SOX6: variants seen among roughly 807,000 people sequenced by gnomAD.
The protein encoded by SOX6 is transcription factor SOX-6.
SOX6 carries 11 observed loss-of-function variants against 97.8 expected under a neutral mutation model. The observed-to-expected ratio is 0.11, with a 90% CI of 0.07 to 0.19. The LOEUF is 0.19. Among genes scored for constraint, SOX6 ranks in the 10% least tolerant of loss-of-function variants. The pLI, the probability that SOX6 is intolerant of heterozygous loss-of-function variation, is 1.00. For synonymous variants in SOX6, 360 were observed against 371.4 expected, an observed-to-expected ratio of 0.97 and a Z score of 0.35; for missense variants, 810 against 1,039.5, an observed-to-expected ratio of 0.78 and a Z score of 3.04.
chr11:16,524,726 G>A (rs910062464), intron 4 of SOX6, among the ~76,000 whole-genome samples: 1 of 151,978 alleles, frequency 6.6e-6, no homozygotes, highest in Admixed American at 6.6e-5. Context: ...TGTATATCTA[G>A]AAAACCCCAT....
intron 4 of SOX6, among the ~76,000 whole-genome samples, chr11:16,599,259 C>T (rs770833305): frequency 2.2e-4 from 33 of 152,018 alleles, no homozygotes; most frequent in Non-Finnish European, 3.4e-4. Context: ...AATTCCTCGC[C>T]ACACACACCA....
intron 3 of SOX6, among the ~76,000 whole-genome samples, chr11:16,280,553 C>G (rs1854526308): frequency 6.6e-6 from 1 of 151,952 alleles, no homozygotes; most frequent in Non-Finnish European, 1.5e-5. Flanking sequence ...CATAAGCTTC[C>G]GTGTGTTATT....
At chr11:16,573,724 A>G (rs1177937770) in intron 4 of SOX6, among the ~76,000 whole-genome samples, 2 of 152,196 alleles carry the variant, frequency 1.3e-5, no homozygotes, top group African/African-American at 2.4e-5. Context: ...AAATATGACA[A>G]TTTCCAGACT....
At chr11:16,662,496 T>A (rs1017282880) in intron 3 of SOX6, among the ~76,000 whole-genome samples, 4 of 152,166 alleles carry the variant, frequency 2.6e-5, no homozygotes, top group African/African-American at 9.7e-5. Flanking sequence ...CAAATATCCT[T>A]AACAAAACAT....
chr11:16,142,402 A>G (rs1383959413), intron 6 of SOX6, among the ~76,000 whole-genome samples: 1 of 152,200 alleles, frequency 6.6e-6, no homozygotes, highest in Non-Finnish European at 1.5e-5. Context: ...AAGATGGGGG[A>G]AAAACAGAGC....
At chr11:16,322,352 C>G (rs1855954649) in intron 2 of SOX6, among the ~76,000 whole-genome samples, 1 of 151,894 alleles carries the variant, frequency 6.6e-6, no homozygotes, top group Admixed American at 6.6e-5. Context: ...CTCTCTTCCT[C>G]CTGCTCCAGC....
intron 1 of SOX6, among the ~76,000 whole-genome samples, chr11:16,386,298 T>C (rs1029572314): frequency 6.6e-6 from 1 of 151,026 alleles, no homozygotes; most frequent in Non-Finnish European, 1.5e-5. Context: ...CTTTCCTGAT[T>C]CTAAGTTGAG....
intron 4 of SOX6, among the ~76,000 whole-genome samples, chr11:16,231,800 C>CA (rs1427236490): frequency 1.3e-5 from 2 of 151,518 alleles, no homozygotes; most frequent in Admixed American, 6.6e-5. Flanking sequence ...TTTCTGCCAA[C>CA]AAAAATAATA....
chr11:16,055,005 A>C (rs1847778347), intron 10 of SOX6, among the ~76,000 whole-genome samples: 1 of 152,160 alleles, frequency 6.6e-6, no homozygotes, highest in Non-Finnish European at 1.5e-5. Flanking sequence ...CCCAGACATA[A>C]CTTGGGAAAG....
intron 9 of SOX6, among the ~76,000 whole-genome samples, chr11:16,069,746 C>T (rs1252328542): frequency 6.6e-6 from 1 of 152,126 alleles, no homozygotes; most frequent in African/African-American, 2.4e-5. Context: ...CTGCCAATTG[C>T]CTTTTCACAA....
At chr11:16,197,732 C>T (rs1001947724) in intron 4 of SOX6, among the ~76,000 whole-genome samples, 6 of 152,024 alleles carry the variant, frequency 3.9e-5, no homozygotes, top group African/African-American at 1.2e-4. Context: ...TCCTATGTAG[C>T]ATTCACAATA....
intron 4 of SOX6, among the ~76,000 whole-genome samples, chr11:16,519,529 A>G (rs1470002013): frequency 6.6e-6 from 1 of 152,040 alleles, no homozygotes; most frequent in Non-Finnish European, 1.5e-5. Context: ...ACATGATTTC[A>G]TTCTTTTTTA....
At chr11:16,009,784 C>A (rs1854656114) in intron 13 of SOX6, among the ~76,000 whole-genome samples, 1 of 151,988 alleles carries the variant, frequency 6.6e-6, no homozygotes, top group African/African-American at 2.4e-5. Context: ...AACTAATGAT[C>A]TTTACATTCC....
intron 6 of SOX6, among the ~76,000 whole-genome samples, chr11:16,133,042 C>A (rs768180507): frequency 1.3e-5 from 2 of 151,742 alleles, no homozygotes; most frequent in African/African-American, 4.8e-5. Context: ...TAACTCAGAC[C>A]CCAGTAACAT....
At chr11:16,202,248 T>C (rs2134129349) in intron 4 of SOX6, among the ~76,000 whole-genome samples, 1 of 152,280 alleles carries the variant, frequency 6.6e-6, no homozygotes, top group Middle Eastern at 3.4e-3. Context: ...AATTTTCATT[T>C]GCTTCTGAAG....
chr11:16,715,746 TA>T (rs902107052), intron 2 of SOX6, among the ~76,000 whole-genome samples: 24 of 150,866 alleles, frequency 1.6e-4, no homozygotes, highest in African/African-American at 3.7e-4. Flanking sequence ...AGCAAGGAAG[TA>T]AAAAAAAAGA....
chr11:16,643,163 G>T (rs546543751), intron 3 of SOX6, among the ~76,000 whole-genome samples: 246 of 152,322 alleles, frequency 1.6e-3, no homozygotes, highest in Admixed American at 2.5e-3. Flanking sequence ...GTCTGTTGGG[G>T]TTTGCTGGAG....
At chr11:16,045,360 G>C (rs1240482775) in intron 12 of SOX6, among the ~76,000 whole-genome samples, 1 of 152,060 alleles carries the variant, frequency 6.6e-6, no homozygotes, top group East Asian at 1.9e-4. Context: ...CCTTCTATCA[G>C]ATAATCAGAA....
intron 6 of SOX6, among the ~76,000 whole-genome samples, chr11:16,138,950 T>G (rs900323472): frequency 6.6e-6 from 1 of 152,156 alleles, no homozygotes; most frequent in Admixed American, 6.5e-5. Context: ...CAGTCTATCA[T>G]TTTTGGACAT....
Sources: gnomAD v4.1 joint callset for allele counts (sites outside exome capture counted in the v4.1 genomes callset) on GRCh38, gnomAD v4.1.1 for gene constraint, MANE v1.5 for transcripts, NCBI Gene and HGNC (gene_info 2026-07-23, HGNC 2026-07-21) for gene names.